Variants in BABAM2 observed in about 807,000 individuals in gnomAD.
BABAM2 encodes BRISC and BRCA1 A complex member 2.
In BABAM2, 31 loss-of-function variants were observed where a neutral mutation model predicts 54.7. The ratio of observed to expected loss-of-function variants is 0.57; its 90% CI spans 0.43 to 0.77. BABAM2 has a LOEUF of 0.77. Among genes scored for constraint, BABAM2 ranks in the 30% least tolerant of loss-of-function variants. The pLI is 0.00. For synonymous variants in BABAM2, 167 were observed against 162.9 expected, an observed-to-expected ratio of 1.03 and a Z score of -0.19; for missense variants, 364 against 455.8, an observed-to-expected ratio of 0.80 and a Z score of 1.83.
intron 2 of BABAM2, among the ~76,000 whole-genome samples, chr2:27,921,692 G>A (rs1338126909): frequency 1.3e-5 from 2 of 152,158 alleles, no homozygotes; most frequent in Non-Finnish European, 2.9e-5. Context: ...TAATTAAAGA[G>A]CTTAGAATAG....
intron 7 of BABAM2, among the ~76,000 whole-genome samples, chr2:28,161,195 G>A (rs1023824986): frequency 6.6e-6 from 1 of 152,184 alleles, no homozygotes; most frequent in African/African-American, 2.4e-5. Context: ...GAATGCCATT[G>A]TGGAGCAGAG....
intron 10 of BABAM2, among the ~76,000 whole-genome samples, chr2:28,284,556 C>A (rs1181392388): frequency 6.6e-6 from 1 of 152,172 alleles, no homozygotes; most frequent in Non-Finnish European, 1.5e-5. Context: ...CTGTTCAGAT[C>A]TTTTTCTGAT....
At chr2:28,196,336 T>A (rs954946863) in intron 7 of BABAM2, among the ~76,000 whole-genome samples, 84 of 141,374 alleles carry the variant, frequency 5.9e-4, no homozygotes, top group Non-Finnish European at 1.1e-3. Context: ...AAAAAAAAAA[T>A]GAATTTTTTA....
chr2:28,161,779 A>C (rs1033475472), intron 7 of BABAM2, among the ~76,000 whole-genome samples: 2 of 152,182 alleles, frequency 1.3e-5, no homozygotes, highest in Non-Finnish European at 1.5e-5. Context: ...CTTAATGCCA[A>C]GCTGGCCCAG....
chr2:28,195,351 T>C (rs1677402013), intron 7 of BABAM2, among the ~76,000 whole-genome samples: 2 of 152,372 alleles, frequency 1.3e-5, no homozygotes, highest in African/African-American at 2.4e-5. Flanking sequence ...TCAAATGTCT[T>C]GCTCTCTTAT....
chr2:27,934,967 A>T (rs567729152), intron 3 of BABAM2, among the ~76,000 whole-genome samples: 1 of 152,362 alleles, frequency 6.6e-6, no homozygotes, highest in East Asian at 1.9e-4. Context: ...CATACAGAAG[A>T]TGCAGTAAGT....
chr2:27,915,353 T>A (rs1573155641), intron 2 of BABAM2, among the ~76,000 whole-genome samples: 1 of 152,194 alleles, frequency 6.6e-6, no homozygotes, highest in Non-Finnish European at 1.5e-5. Context: ...TGCCAGGAAC[T>A]GTTCTAAATA....
intron 7 of BABAM2, among the ~76,000 whole-genome samples, chr2:28,221,320 G>GGGCCTCAAGTCTT (rs1301418534): frequency 6.6e-6 from 1 of 152,192 alleles, no homozygotes; most frequent in East Asian, 1.9e-4. Flanking sequence ...TTGGGACAGT[G>GGGCCTCAAGTCTT]GGCCTCAAGT....
intron 3 of BABAM2, among the ~76,000 whole-genome samples, chr2:27,961,093 AT>A (rs796180311): frequency 2.7e-5 from 4 of 148,972 alleles, no homozygotes; most frequent in African/African-American, 2.5e-5. Context: ...GTGGTTGGTT[AT>A]TTTTTTTTTG....
At chr2:27,990,974 T>G (rs1672737972) in intron 4 of BABAM2, among the ~76,000 whole-genome samples, 1 of 151,976 alleles carries the variant, frequency 6.6e-6, no homozygotes, top group African/African-American at 2.4e-5. Context: ...AGACTCTTCA[T>G]TTAGGGAGGT....
chr2:28,185,776 A>G (rs986714129), intron 7 of BABAM2, among the ~76,000 whole-genome samples: 2 of 152,172 alleles, frequency 1.3e-5, no homozygotes, highest in South Asian at 4.1e-4. Flanking sequence ...TGAAAATTAG[A>G]GACATTGTTT....
rs180887845 is a variant in BABAM2, at chr2:28,027,973, A to G, written c.495+2553A>G. Among the ~76,000 whole-genome samples the G allele has an allele frequency of 3.0e-3, 454 of 152,298 alleles. 2 individuals are homozygous for G. The highest frequency in any genetic ancestry group is 0.01 in the African/African-American group (433 of 41,538). On this transcript the variant is annotated intron_variant, in intron 5 of 11. Transcript: ENST00000379624. ...AATCATTCCAAAACTTAGTGGCTTC[A>G]AACAATAACATTTATTATCATAGTT... is the stretch of plus-strand genomic sequence containing the variant.
chr2:28,237,398 C>T (rs1040302257), intron 8 of BABAM2, 97 bp downstream of exon 8: 34 of 1,093,222 alleles, frequency 3.1e-5, no homozygotes, highest in Admixed American at 7.2e-5. Context: ...CTTCTCGGAC[C>T]GACTGCTCAG....
At chr2:28,125,666 A>G (rs927031562) in intron 6 of BABAM2, among the ~76,000 whole-genome samples, 3 of 152,186 alleles carry the variant, frequency 2.0e-5, no homozygotes, top group Non-Finnish European at 4.4e-5. Flanking sequence ...TTGACCCAAG[A>G]AGCTCAGTTT....
At chr2:27,899,852 G>T (rs1319368297) in intron 2 of BABAM2, among the ~76,000 whole-genome samples, 1 of 152,034 alleles carries the variant, frequency 6.6e-6, no homozygotes, top group African/African-American at 2.4e-5. Context: ...ATTTACTTTC[G>T]TTAGCTTCAA....
chr2:28,185,370 C>G (rs180961045), intron 7 of BABAM2, among the ~76,000 whole-genome samples: 1 of 152,156 alleles, frequency 6.6e-6, no homozygotes, highest in Admixed American at 6.5e-5. Context: ...CTGATACACA[C>G]CTGTGTTTTG....
chr2:28,144,071 C>T (rs1212223594), intron 7 of BABAM2, among the ~76,000 whole-genome samples: 4 of 152,170 alleles, frequency 2.6e-5, no homozygotes, highest in African/African-American at 7.2e-5. Flanking sequence ...AACTACTGGA[C>T]GTTACATAAT....
At chr2:28,328,200 A>G (rs1351036647) in intron 11 of BABAM2, among the ~76,000 whole-genome samples, 3 of 152,188 alleles carry the variant, frequency 2.0e-5, no homozygotes, top group Non-Finnish European at 2.9e-5. Flanking sequence ...CAGAATTTAC[A>G]GTGGCGGTTC....
chr2:28,138,341 A>G (rs1210158982), intron 7 of BABAM2, among the ~76,000 whole-genome samples: 2 of 152,218 alleles, frequency 1.3e-5, no homozygotes, highest in Non-Finnish European at 2.9e-5. Flanking sequence ...GTACAACACC[A>G]GAGATTAACA....
Sources: gnomAD v4.1 joint callset for allele counts (sites outside exome capture counted in the v4.1 genomes callset) on GRCh38, gnomAD v4.1.1 for gene constraint, MANE v1.5 for transcripts, NCBI Gene and HGNC (gene_info 2026-07-23, HGNC 2026-07-21) for gene names.